Variants in DPH6 observed in about 807,000 individuals in gnomAD.
The protein encoded by DPH6 is diphthine--ammonia ligase.
Under a neutral mutation model 38.2 loss-of-function variants are expected in DPH6, and 33 were observed. That is an observed-to-expected ratio of 0.86 (90% confidence interval 0.65 to 1.15). The LOEUF is 1.15. DPH6 is among the 50% of genes most tolerant of loss of function. The probability of loss-of-function intolerance (pLI) is 0.00; values close to 1 mark genes in which losing one functional copy is unlikely to be tolerated. For missense variants in DPH6, 325 were observed against 320.0 expected (o/e 1.02, Z -0.12); for synonymous variants, 108 against 103.0 (o/e 1.05, Z -0.30).
At chr15:35,264,200 T>C (rs978944373) in intron 3 of DPH6, among the ~76,000 whole-genome samples, 14 of 152,098 alleles carry the variant, frequency 9.2e-5, no homozygotes, top group African/African-American at 3.1e-4. Context: ...GCACAATCTA[T>C]CTTGGATGCT....
chr15:35,513,345 T>C (rs2054801101), intron 3 of DPH6, among the ~76,000 whole-genome samples: 1 of 151,998 alleles, frequency 6.6e-6, no homozygotes, highest in Non-Finnish European at 1.5e-5. Context: ...GTGAGTACGC[T>C]GTAAGGTTAC....
intron 3 of DPH6, among the ~76,000 whole-genome samples, chr15:35,496,567 A>AT (rs1555406398): frequency 0.027 from 844 of 31,068 alleles, 48 homozygotes; most frequent in Non-Finnish European, 0.035. Context: ...AAAAAAAAAA[A>AT]ATATATATAT....
the DPH6 span, among the ~76,000 whole-genome samples, chr15:35,171,862 CTTTATT>C: frequency 1.1e-4 from 16 of 149,624 alleles, no homozygotes; most frequent in Middle Eastern, 3.5e-3. Flanking sequence ...TATATATATT[CTTTATT>C]TTTATTTTTA....
chr15:35,279,983 A>G (rs1473929106), intron 3 of DPH6, among the ~76,000 whole-genome samples: 1 of 152,202 alleles, frequency 6.6e-6, no homozygotes, highest in Non-Finnish European at 1.5e-5. Flanking sequence ...CACATGTACC[A>G]GGGAAAGGCC....
At chr15:35,315,714 A>G (rs1595474679) in intron 3 of DPH6, among the ~76,000 whole-genome samples, 1 of 152,318 alleles carries the variant, frequency 6.6e-6, no homozygotes, top group East Asian at 1.9e-4. Context: ...AAGGAAATCA[A>G]TATGTTAAAG....
At chr15:35,290,924 C>A (rs1163708059) in intron 3 of DPH6, among the ~76,000 whole-genome samples, 1 of 151,854 alleles carries the variant, frequency 6.6e-6, no homozygotes, top group African/African-American at 2.4e-5. Flanking sequence ...ATTTCCAACA[C>A]AAGTAAAATA....
chr15:35,471,950 C>CAAT (rs10686969), intron 3 of DPH6, among the ~76,000 whole-genome samples: 23,952 of 152,040 alleles, frequency 0.16, 3,500 homozygotes, highest in African/African-American at 0.39. Flanking sequence ...GTGGGCCCTA[C>CAAT]AATAAATGTA....
intron 3 of DPH6, among the ~76,000 whole-genome samples, chr15:35,535,130 A>G (rs76980072): frequency 0.013 from 2,000 of 152,246 alleles, 44 homozygotes; most frequent in African/African-American, 0.036. Flanking sequence ...GAAGCGATGC[A>G]GGAGAAACAA....
intron 3 of DPH6, among the ~76,000 whole-genome samples, chr15:35,498,962 A>G: frequency 6.6e-6 from 1 of 151,540 alleles, no homozygotes; most frequent in South Asian, 2.1e-4. Context: ...AAAAAAAAAA[A>G]AAAAGTATCC....
At chr15:35,544,701 A>G (rs936231040) in intron 1 of DPH6, among the ~76,000 whole-genome samples, 40 of 152,198 alleles carry the variant, frequency 2.6e-4, no homozygotes, top group Admixed American at 9.8e-4. Context: ...CGCTTCAGCA[A>G]GAATTTTCCA....
chr15:35,245,137 A>T (rs1316598421), intron 3 of DPH6, among the ~76,000 whole-genome samples: 1 of 152,116 alleles, frequency 6.6e-6, no homozygotes, highest in East Asian at 1.9e-4. Flanking sequence ...AGAATCTATC[A>T]ATCATTCATG....
At chr15:35,353,165 G>C (rs553699508) in intron 3 of DPH6, among the ~76,000 whole-genome samples, 51 of 152,262 alleles carry the variant, frequency 3.3e-4, no homozygotes, top group African/African-American at 1.2e-3. Flanking sequence ...GTTCACTGTA[G>C]ATTCTAGATA....
chr15:35,327,256 G>A (rs949422940), downstream of DPH6, among the ~76,000 whole-genome samples: 10 of 151,658 alleles, frequency 6.6e-5, no homozygotes, highest in African/African-American at 2.4e-4. Context: ...GTTTGTAAAT[G>A]CTTCCTAAAA....
At chr15:35,527,941 A>T (rs115636350) in intron 3 of DPH6, among the ~76,000 whole-genome samples, 1 of 152,188 alleles carries the variant, frequency 6.6e-6, no homozygotes, top group Non-Finnish European at 1.5e-5. Flanking sequence ...GGGATGAGAG[A>T]CTGGAGAAAG....
chr15:35,349,069 G>C (rs999121518), intron 3 of DPH6, among the ~76,000 whole-genome samples: 3 of 151,998 alleles, frequency 2.0e-5, no homozygotes, highest in African/African-American at 7.2e-5. Context: ...TACATCTCTA[G>C]GGTTTTCTAT....
At chr15:35,485,962 T>G (rs1226981538) in intron 3 of DPH6, among the ~76,000 whole-genome samples, 1 of 152,194 alleles carries the variant, frequency 6.6e-6, no homozygotes, top group Non-Finnish European at 1.5e-5. Context: ...GTAGTTGTAT[T>G]AGTCCATTTT....
At chr15:35,204,911 A>T in the DPH6 span, among the ~76,000 whole-genome samples, 1 of 151,908 alleles carries the variant, frequency 6.6e-6, no homozygotes, top group East Asian at 1.9e-4. Flanking sequence ...CTGTCTCTCA[A>T]TGTATAAGTG....
intron 3 of DPH6, among the ~76,000 whole-genome samples, chr15:35,347,146 C>A (rs758897810): frequency 1.3e-5 from 2 of 152,094 alleles, no homozygotes; most frequent in African/African-American, 2.4e-5. Flanking sequence ...CTCTCCTTTT[C>A]CCCTTCCACA....
downstream of DPH6, among the ~76,000 whole-genome samples, chr15:35,367,402 T>G (rs936282405): frequency 6.6e-6 from 1 of 151,794 alleles, no homozygotes; most frequent in Non-Finnish European, 1.5e-5. Context: ...GCCTTCTGAG[T>G]AGTTGCAAGT....
Sources: gnomAD v4.1 joint callset for allele counts (sites outside exome capture counted in the v4.1 genomes callset) on GRCh38, gnomAD v4.1.1 for gene constraint, MANE v1.5 for transcripts, NCBI Gene and HGNC (gene_info 2026-07-23, HGNC 2026-07-21) for gene names.